Variants in PARD3 observed in about 807,000 individuals in gnomAD.
PARD3 encodes par-3 family cell polarity regulator, also known as partitioning defective 3 homolog.
PARD3 carries 75 observed loss-of-function variants against 155.4 expected under a neutral mutation model. The ratio of observed to expected loss-of-function variants is 0.48; its 90% CI spans 0.40 to 0.58. PARD3 has a LOEUF of 0.58. Among genes scored for constraint, PARD3 ranks in the 20% least tolerant of loss-of-function variants. The probability of loss-of-function intolerance (pLI) is 0.00; values close to 1 mark genes in which losing one functional copy is unlikely to be tolerated. For synonymous variants in PARD3, 576 were observed against 610.5 expected (o/e 0.94, Z 0.83); for missense variants, 1,642 against 1,721.7 (o/e 0.95, Z 0.82).
intron 21 of PARD3, among the ~76,000 whole-genome samples, chr10:34,270,439 G>A (rs1445270436): frequency 6.6e-6 from 1 of 152,020 alleles, no homozygotes; most frequent in Non-Finnish European, 1.5e-5. Context: ...CACCGTGCCT[G>A]GCCATAATTT....
intron 3 of PARD3, among the ~76,000 whole-genome samples, chr10:34,489,303 T>G (rs1359659738): frequency 6.6e-6 from 1 of 152,194 alleles, no homozygotes; most frequent in African/African-American, 2.4e-5. Flanking sequence ...TGTTCCATTC[T>G]GGTGAGGACA....
At chr10:34,319,826 T>C (rs1283195604) in intron 19 of PARD3, among the ~76,000 whole-genome samples, 1 of 152,150 alleles carries the variant, frequency 6.6e-6, no homozygotes, top group Non-Finnish European at 1.5e-5. Flanking sequence ...GATATGGGTG[T>C]GGCCACAAAT....
chr10:34,192,705 G>A lies in PARD3; in HGVS notation c.3420-61122C>T, dbSNP rs1237371430. Among the ~76,000 whole-genome samples, 3 of 152,178 alleles carry A rather than the reference G, an allele frequency of 2.0e-5. No homozygotes were observed. The South Asian group carries it at 6.2e-4, about 31-fold the overall frequency. Reference sequence around the variant, plus strand: ...GAGGGGCTGTTGATGGCACAGGCCGGCATCCTTCCTGTCTTGCTCCTAGAA... The same window carrying A: ...GAGGGGCTGTTGATGGCACAGGCCGACATCCTTCCTGTCTTGCTCCTAGAA... On this transcript the variant is annotated intron_variant, in intron 22 of 24. Coordinates refer to ENST00000374788, the MANE Select transcript of PARD3 (RefSeq NM_001184785.2).
At chr10:34,432,656 T>C (rs1457169059) in intron 5 of PARD3, among the ~76,000 whole-genome samples, 6 of 152,154 alleles carry the variant, frequency 3.9e-5, no homozygotes, top group Non-Finnish European at 8.8e-5. Context: ...TCAAGTCACA[T>C]TGCCCTTTTT....
intron 1 of PARD3, among the ~76,000 whole-genome samples, chr10:34,774,515 T>C (rs1024336858): frequency 1.3e-5 from 2 of 152,184 alleles, no homozygotes; most frequent in African/African-American, 2.4e-5. Flanking sequence ...TAAGGAGATG[T>C]TGCATGAAAA....
In PARD3 at chr10:34,395,876, T is replaced by A. The variant is rs1434329893; in HGVS notation, c.890+3454A>T. ...AAAAAAAAAAAAAAAAAGAAAAACA[T>A]CATCATGGGGAAGATAATATTGTCT... On this transcript the variant is annotated intron_variant, in intron 7 of 24. Transcript: ENST00000374788. Among the ~76,000 whole-genome samples, 14 of 148,392 alleles carry A rather than the reference T, an allele frequency of 9.4e-5. 2 individuals are homozygous for A. The highest frequency in any genetic ancestry group is 2.1e-4 in the East Asian group (1 of 4,856).
chr10:34,468,911 G>T (rs2078174083), intron 4 of PARD3, among the ~76,000 whole-genome samples: 1 of 152,140 alleles, frequency 6.6e-6, no homozygotes, highest in African/African-American at 2.4e-5. Flanking sequence ...TATGTGATTA[G>T]TATTATTTTG....
intron 2 of PARD3, among the ~76,000 whole-genome samples, chr10:34,659,693 C>A (rs192771830): frequency 1.3e-4 from 20 of 152,028 alleles, no homozygotes; most frequent in African/African-American, 4.6e-4. Context: ...GAAAATGACT[C>A]CACTGAAAAA....
At chr10:34,405,816 G>A (rs529898090) in intron 5 of PARD3, among the ~76,000 whole-genome samples, 1 of 152,272 alleles carries the variant, frequency 6.6e-6, no homozygotes, top group Admixed American at 6.5e-5. Flanking sequence ...GATGTGAAGA[G>A]GATCCAGGGA....
At chr10:34,233,916 A>C (rs775708927) in intron 22 of PARD3, among the ~76,000 whole-genome samples, 1 of 152,050 alleles carries the variant, frequency 6.6e-6, no homozygotes, top group Non-Finnish European at 1.5e-5. Context: ...GTGATGTGGG[A>C]GCTGCCTTCT....
intron 20 of PARD3, among the ~76,000 whole-genome samples, chr10:34,307,656 C>A (rs1957481771): frequency 6.6e-6 from 1 of 152,126 alleles, no homozygotes; most frequent in South Asian, 2.1e-4. Flanking sequence ...TGGGCACATC[C>A]AGCAGGCACA....
chr10:34,231,266 CAA>C (rs57175956), intron 22 of PARD3, among the ~76,000 whole-genome samples: 166 of 81,838 alleles, frequency 2.0e-3, no homozygotes, highest in East Asian at 0.012. Context: ...TAATCTTAGG[CAA>C]AAAAAAAAAA....
intron 2 of PARD3, among the ~76,000 whole-genome samples, chr10:34,578,153 G>C (rs1336830367): frequency 2.0e-5 from 3 of 151,826 alleles, no homozygotes; most frequent in Non-Finnish European, 2.9e-5. Flanking sequence ...TGAGATTAGA[G>C]GCTAAGATAA....
chr10:34,493,753 A>T (rs2080080259), intron 3 of PARD3, among the ~76,000 whole-genome samples: 1 of 152,066 alleles, frequency 6.6e-6, no homozygotes, highest in South Asian at 2.1e-4. Context: ...GAAAAAAAAG[A>T]AAAGAAAATT....
chr10:34,444,106 G>A (rs996687534), intron 5 of PARD3, among the ~76,000 whole-genome samples: 14 of 152,184 alleles, frequency 9.2e-5, no homozygotes, highest in African/African-American at 3.1e-4. Context: ...TTGCTCTAAA[G>A]GTCAGGGCAG....
chr10:34,216,751 T>C (rs980116079), intron 22 of PARD3, among the ~76,000 whole-genome samples: 7 of 152,252 alleles, frequency 4.6e-5, no homozygotes, highest in Non-Finnish European at 1.0e-4. Context: ...TTAAATGTTT[T>C]ATAAATGGCA....
intron 5 of PARD3, among the ~76,000 whole-genome samples, chr10:34,433,320 T>G (rs974529904): frequency 6.6e-6 from 1 of 152,212 alleles, no homozygotes; most frequent in African/African-American, 2.4e-5. Context: ...TGTCCAATAT[T>G]AGACAACTAA....
At chr10:34,453,230 C>T (rs2077155158) in intron 4 of PARD3, among the ~76,000 whole-genome samples, 1 of 152,216 alleles carries the variant, frequency 6.6e-6, no homozygotes, top group Admixed American at 6.5e-5. Flanking sequence ...TATAGAAATA[C>T]TGAACATTCT....
Position 34,814,941 on chromosome 10 carries a change from C to T in PARD3, c.55G>A (p.Gly19Ser), listed in dbSNP as rs1340961769. The stretch of plus-strand genomic sequence containing the variant: ...ATGAGGCTGAAAACTTTCATGTGGC[C>T]GTCCCCGCACGGCACGACCACCCGG... ...RTRVVVPCGD[G>S]HMKVFSLIQQ... Residue 19 changes from glycine (G) to serine (S), a missense_variant, in exon 1 of 25, where the codon GGC (glycine) becomes AGC (serine). Gly to Ser is a moderately conservative substitution (Grantham distance 56). Transcript: ENST00000374788. 6.4e-7 allele frequency: 1 copy of T among 1,565,266 alleles called. No homozygotes were observed. Among genetic ancestry groups the T allele is most frequent in the Non-Finnish European group, 8.6e-7 (1 of 1,157,904 alleles).
Sources: gnomAD v4.1 joint callset for allele counts (sites outside exome capture counted in the v4.1 genomes callset) on GRCh38, gnomAD v4.1.1 for gene constraint, MANE v1.5 for transcripts, NCBI Gene and HGNC (gene_info 2026-07-23, HGNC 2026-07-21) for gene names.